Variants in DOK5 observed in about 807,000 individuals in gnomAD.
DOK5 encodes the protein downstream of tyrosine kinase 5.
DOK5 carries 27 observed loss-of-function variants against 43.3 expected under a neutral mutation model. The observed-to-expected ratio is 0.62, with a 90% confidence interval of 0.46 to 0.86. The LOEUF (loss-of-function observed/expected upper bound fraction) is 0.86. DOK5 is among the 40% of genes least tolerant of loss of function. DOK5 has a pLI of 0.00. For missense variants in DOK5, 373 were observed against 392.9 expected (o/e 0.95, Z 0.43); for synonymous variants, 146 against 140.1 (o/e 1.04, Z -0.30).
intron 6 of DOK5, among the ~76,000 whole-genome samples, chr20:54,613,192 ATCTCTC>A (rs11468450): frequency 1.7e-4 from 25 of 143,084 alleles, no homozygotes; most frequent in South Asian, 7.0e-4. Flanking sequence ...TCTGCGCCTC[ATCTCTC>A]TCTCTCTCTC....
intron 1 of DOK5, among the ~76,000 whole-genome samples, chr20:54,533,027 T>C (rs1181494237): frequency 6.6e-6 from 1 of 152,242 alleles, no homozygotes; most frequent in African/African-American, 2.4e-5. Flanking sequence ...CATTGCCTCA[T>C]CCAGTAGACC....
intron 6 of DOK5, among the ~76,000 whole-genome samples, chr20:54,621,872 A>G (rs1182711525): frequency 6.6e-6 from 1 of 151,956 alleles, no homozygotes; most frequent in Non-Finnish European, 1.5e-5. Flanking sequence ...ACTATGCTGT[A>G]CTTACTCATG....
intron 1 of DOK5, among the ~76,000 whole-genome samples, chr20:54,530,899 C>G (rs1027633501): frequency 1.3e-5 from 2 of 152,130 alleles, no homozygotes; most frequent in African/African-American, 2.4e-5. Context: ...AAGGGGTAAG[C>G]TAAGTTCCTG....
chr20:54,561,011 T>A (rs979320499), intron 2 of DOK5, among the ~76,000 whole-genome samples: 3 of 152,328 alleles, frequency 2.0e-5, no homozygotes, highest in Admixed American at 6.5e-5. Flanking sequence ...GGAGTTGTCT[T>A]TGACTTACTC....
intron 5 of DOK5, among the ~76,000 whole-genome samples, chr20:54,604,197 C>T (rs1372117064): frequency 6.6e-6 from 1 of 151,974 alleles, no homozygotes; most frequent in Non-Finnish European, 1.5e-5. Flanking sequence ...CCACCCACCT[C>T]GGCCTCCCTA....
At chr20:54,516,967 G>A (rs1941888988) in intron 1 of DOK5, among the ~76,000 whole-genome samples, 2 of 152,140 alleles carry the variant, frequency 1.3e-5, no homozygotes, top group South Asian at 2.1e-4. Flanking sequence ...TCGTGTTACC[G>A]AGTTCCTTGA....
intron 2 of DOK5, among the ~76,000 whole-genome samples, chr20:54,579,244 A>G (rs1333403017): frequency 6.6e-6 from 1 of 152,214 alleles, no homozygotes; most frequent in Non-Finnish European, 1.5e-5. Context: ...CATTAATACA[A>G]GAACAGTATC....
chr20:54,636,915 G>C (rs1235759656), intron 6 of DOK5, among the ~76,000 whole-genome samples: 2 of 152,166 alleles, frequency 1.3e-5, no homozygotes, highest in Non-Finnish European at 2.9e-5. Flanking sequence ...TTTTGGGGGG[G>C]ACAAACATTC....
rs2146668701 is a variant in DOK5 at position 54,491,761 on chromosome 20, C to G, written c.66+15749C>G. ...GGTCTCCGCAGCATCCCACCATTGG[C>G]TTCCTGAGTGGAAAATAGCTGAGAA... On this transcript the variant is annotated intron_variant, in intron 1 of 7. Transcript: ENST00000262593. 2.0e-5 allele frequency among the ~76,000 whole-genome samples: 3 copies of G among 152,316 alleles called. No homozygotes were observed. The South Asian group carries it at 6.2e-4, about 32-fold the overall frequency.
intron 6 of DOK5, among the ~76,000 whole-genome samples, chr20:54,613,112 A>G (rs141036171): frequency 0.01 from 1,562 of 152,270 alleles, 32 homozygotes; most frequent in African/African-American, 0.036. Flanking sequence ...GTTGGTCCAG[A>G]TTGATCCTAG....
chr20:54,646,248 G>GTTTTTTGTTTTTTTTTTTTT (rs1979415549), intron 7 of DOK5, among the ~76,000 whole-genome samples: 1 of 79,922 alleles, frequency 1.3e-5, no homozygotes, highest in African/African-American at 5.3e-5. Context: ...TGGTTATACT[G>GTTTTTTGTTTTTTTTTTTTT]TTTTTTTTTT....
chr20:54,622,101 G>A (rs1399862862), intron 6 of DOK5, among the ~76,000 whole-genome samples: 2 of 152,004 alleles, frequency 1.3e-5, no homozygotes, highest in African/African-American at 4.8e-5. Flanking sequence ...GGTTGAGGCA[G>A]GAGTATCGCT....
intron 5 of DOK5, among the ~76,000 whole-genome samples, chr20:54,600,205 A>C (rs1378096928): frequency 6.6e-6 from 1 of 152,190 alleles, no homozygotes; most frequent in Admixed American, 6.5e-5. Flanking sequence ...ATGGGAAGCC[A>C]CATGACACAG....
intron 6 of DOK5, among the ~76,000 whole-genome samples, chr20:54,626,312 G>A (rs539111587): frequency 1.3e-5 from 2 of 152,128 alleles, no homozygotes; most frequent in South Asian, 2.1e-4. Context: ...ACCCAGTTAG[G>A]AGGCTTCTTC....
chr20:54,523,775 G>A (rs1170143413), intron 1 of DOK5, among the ~76,000 whole-genome samples: 1 of 140,070 alleles, frequency 7.1e-6, no homozygotes, highest in Non-Finnish European at 1.5e-5. Context: ...TTGTCTAAAT[G>A]TATTTTTAGT....
intron 1 of DOK5, 122 bp downstream of exon 1, chr20:54,476,134 T>C: frequency 6.5e-7 from 1 of 1,545,048 alleles, no homozygotes; most frequent in Non-Finnish European, 8.7e-7. Context: ...GCGGTGGCTT[T>C]CTCAGCCGAA....
At chr20:54,574,564 A>G (rs192309989) in intron 2 of DOK5, among the ~76,000 whole-genome samples, 21 of 152,306 alleles carry the variant, frequency 1.4e-4, no homozygotes, top group African/African-American at 5.1e-4. Flanking sequence ...GAACTTGCTC[A>G]TATGACTAAA....
intron 6 of DOK5, among the ~76,000 whole-genome samples, chr20:54,635,613 A>G (rs1487214219): frequency 6.6e-6 from 1 of 152,198 alleles, no homozygotes. Context: ...TCTGGATCAA[A>G]CCAATGTTCA....
chr20:54,604,160 A>G (rs973907022), intron 5 of DOK5, among the ~76,000 whole-genome samples: 3 of 151,642 alleles, frequency 2.0e-5, no homozygotes, highest in African/African-American at 7.3e-5. Context: ...GTTAGCCAGG[A>G]TGGTCTCGAT....
Sources: gnomAD v4.1 joint callset for allele counts (sites outside exome capture counted in the v4.1 genomes callset) on GRCh38, gnomAD v4.1.1 for gene constraint, MANE v1.5 for transcripts, NCBI Gene and HGNC (gene_info 2026-07-23, HGNC 2026-07-21) for gene names.